Variants in FKBP5 observed in about 807,000 individuals in gnomAD.
The protein encoded by FKBP5 is FKBP prolyl isomerase 5.
FKBP5 carries 23 observed loss-of-function variants against 50.5 expected under a neutral mutation model. The ratio of observed to expected loss-of-function variants is 0.46; its 90% CI spans 0.33 to 0.65. FKBP5 has a LOEUF of 0.65. Ranked by LOEUF, FKBP5 falls within the 30% of genes least tolerant of loss-of-function variation. The pLI is 0.02. For synonymous variants in FKBP5, 176 were observed against 190.6 expected (o/e 0.92, Z 0.63); for missense variants, 411 against 553.1 (o/e 0.74, Z 2.58).
At chr6:35,682,894 A>G (rs1021750271) in intron 1 of FKBP5, among the ~76,000 whole-genome samples, 1 of 149,792 alleles carries the variant, frequency 6.7e-6, no homozygotes, top group Non-Finnish European at 1.5e-5. Context: ...AGAGCAAGAA[A>G]CAATCTCTTT....
chr6:35,666,826 T>C (rs1205763440), intron 1 of FKBP5, among the ~76,000 whole-genome samples: 1 of 151,970 alleles, frequency 6.6e-6, no homozygotes, highest in African/African-American at 2.4e-5. Flanking sequence ...GAGGTTGCAG[T>C]AAGCCGAGAT....
At chr6:35,626,807 C>G (rs138558793) in intron 3 of FKBP5, among the ~76,000 whole-genome samples, 3 of 152,268 alleles carry the variant, frequency 2.0e-5, no homozygotes, top group Non-Finnish European at 2.9e-5. Flanking sequence ...GTAGCATCTG[C>G]CAGAATTTTT....
chr6:35,658,221 A>C (rs1168923517), intron 1 of FKBP5, among the ~76,000 whole-genome samples: 1 of 152,074 alleles, frequency 6.6e-6, no homozygotes, highest in Non-Finnish European at 1.5e-5. Context: ...CTAAAAATCC[A>C]AAAATTAACC....
At chr6:35,605,926 A>G (rs545272146) in intron 5 of FKBP5, among the ~76,000 whole-genome samples, 1 of 152,374 alleles carries the variant, frequency 6.6e-6, no homozygotes, top group East Asian at 1.9e-4. Context: ...CTCAAGATGG[A>G]TTAAAGGCTT....
chr6:35,633,539 T>A (rs1764223441), intron 3 of FKBP5, among the ~76,000 whole-genome samples: 1 of 77,504 alleles, frequency 1.3e-5, no homozygotes, highest in Non-Finnish European at 2.4e-5. Flanking sequence ...TGAGATTCCA[T>A]CTCAAAAAAA....
chr6:35,681,283 A>T (rs901057479), intron 1 of FKBP5, among the ~76,000 whole-genome samples: 1 of 152,218 alleles, frequency 6.6e-6, no homozygotes, highest in Non-Finnish European at 1.5e-5. Context: ...AGCTCTTTGT[A>T]CTAGTCTTGC....
intron 5 of FKBP5, among the ~76,000 whole-genome samples, chr6:35,608,556 G>C (rs1581810447): frequency 6.6e-6 from 1 of 152,066 alleles, no homozygotes; most frequent in Non-Finnish European, 1.5e-5. Flanking sequence ...TTAGCTGGGT[G>C]TGCACCTGCA....
At chr6:35,656,867 A>G (rs1338688507) in intron 1 of FKBP5, among the ~76,000 whole-genome samples, 4 of 146,984 alleles carry the variant, frequency 2.7e-5, no homozygotes, top group African/African-American at 7.6e-5. Flanking sequence ...ACTGCACTCC[A>G]GCCTGGGGAA....
rs1762468722 is a variant in FKBP5, at chr6:35,582,543, G to A, written c.841-2322C>T. 4 of 548,652 alleles carry A rather than the reference G, an allele frequency of 7.3e-6. No individual in the cohort carries two copies. In the South Asian group the frequency reaches 2.4e-4, roughly 33 times the overall value. 34.0% of individuals were successfully genotyped at this position (548,652 alleles called of 1,614,324 possible). On this transcript the variant is annotated intron_variant, in intron 8 of 10. Coordinates refer to ENST00000357266, the MANE Select transcript of FKBP5 (RefSeq NM_004117.4). The stretch of plus-strand genomic sequence containing the variant: ...AACACAGCAAGAAGGGAGCTACAAG[G>A]AACCAGAGGAGAGGCCCTCCCCAGA...
At chr6:35,713,354 C>A (rs927881728) in intron 2 of FKBP5, among the ~76,000 whole-genome samples, 1 of 152,082 alleles carries the variant, frequency 6.6e-6, no homozygotes, top group African/African-American at 2.4e-5. Context: ...TTATGAAGAC[C>A]GTTGGCTCCA....
At chr6:35,647,459 T>C (rs566116565) in intron 1 of FKBP5, among the ~76,000 whole-genome samples, 13 of 152,346 alleles carry the variant, frequency 8.5e-5, no homozygotes, top group African/African-American at 2.2e-4. Flanking sequence ...GACATGTTCC[T>C]AACTGAACCA....
At chr6:35,662,857 G>A (rs769372807) in intron 1 of FKBP5, among the ~76,000 whole-genome samples, 7 of 152,140 alleles carry the variant, frequency 4.6e-5, no homozygotes, top group Non-Finnish European at 7.4e-5. Flanking sequence ...GTAAGACCCT[G>A]TTCTAGGAGC....
intron 3 of FKBP5, among the ~76,000 whole-genome samples, chr6:35,628,003 C>T (rs1453495275): frequency 6.8e-6 from 1 of 146,694 alleles, no homozygotes; most frequent in African/African-American, 2.5e-5. Flanking sequence ...GAATTCCTAA[C>T]CTCAGGTGAT....
chr6:35,661,770 CAAA>C (rs767195179), intron 1 of FKBP5, among the ~76,000 whole-genome samples: 1 of 33,284 alleles, frequency 3.0e-5, no homozygotes. Flanking sequence ...AACTCCGTCT[CAAA>C]AAAAAAAAAA....
At chr6:35,700,816 G>A (rs568039128) in intron 2 of FKBP5, among the ~76,000 whole-genome samples, 19 of 152,044 alleles carry the variant, frequency 1.2e-4, no homozygotes, top group African/African-American at 4.1e-4. Flanking sequence ...CAAATTAGCC[G>A]GGCATGGTGG....
intron 1 of FKBP5, among the ~76,000 whole-genome samples, chr6:35,655,915 T>C (rs1392712057): frequency 1.3e-5 from 2 of 152,224 alleles, no homozygotes; most frequent in East Asian, 3.8e-4. Context: ...ATAGCAGATT[T>C]ACCTTATTAA....
chr6:35,610,351 G>A (rs1458930152), intron 5 of FKBP5, among the ~76,000 whole-genome samples: 5 of 151,990 alleles, frequency 3.3e-5, no homozygotes, highest in Non-Finnish European at 4.4e-5. Flanking sequence ...TGGATCACGA[G>A]GTCAGGAGAT....
rs373234411 is a variant in FKBP5, at chr6:35,580,027, C to T, written c.1026+9G>A. 8 of 1,607,530 alleles carry T rather than the reference C, an allele frequency of 5.0e-6. No individual in the cohort carries two copies. The highest frequency in any genetic ancestry group is 4.5e-5 in the East Asian group (2 of 44,822). ...TCTAAAGTCCATCTCACAGGAGACA[C>T]GATGTTACCTTGTCACAGCATTCAA... On this transcript the variant is annotated intron_variant, in intron 9 of 10. Coordinates refer to ENST00000357266, the MANE Select transcript of FKBP5 (RefSeq NM_004117.4).
intron 1 of FKBP5, among the ~76,000 whole-genome samples, chr6:35,668,865 A>G (rs960218081): frequency 6.6e-6 from 1 of 152,158 alleles, no homozygotes; most frequent in African/African-American, 2.4e-5. Context: ...CTGTTAAAAT[A>G]CTAAGTATAG....
Sources: allele counts gnomAD v4.1 joint callset (sites outside exome capture counted in the v4.1 genomes callset), GRCh38; gene constraint gnomAD v4.1.1; transcripts MANE v1.5; gene names NCBI Gene and HGNC (gene_info 2026-07-23, HGNC 2026-07-21).